Variants in AKNA observed in about 807,000 individuals in gnomAD.
AKNA encodes AT-hook transcription factor, also known as microtubule organization protein AKNA.
Under a neutral mutation model 138.8 loss-of-function variants are expected in AKNA, and 67 were observed. The observed-to-expected ratio is 0.48, with a 90% CI of 0.40 to 0.59. AKNA has a LOEUF of 0.59. Ranked by LOEUF, AKNA falls within the 20% of genes least tolerant of loss-of-function variation. AKNA has a pLI of 0.00. For missense variants in AKNA, 1,813 were observed against 1,880.4 expected, an observed-to-expected ratio of 0.96 and a Z score of 0.66; for synonymous variants, 737 against 754.4, an observed-to-expected ratio of 0.98 and a Z score of 0.38.
At chr9:114,362,078 G>T (rs550206383) in intron 8 of AKNA, among the ~76,000 whole-genome samples, 167 bp from the exon 9 acceptor site, 1 of 152,190 alleles carries the variant, frequency 6.6e-6, no homozygotes, top group South Asian at 2.1e-4. Context: ...ATGAAAGAAG[G>T]TTCCATTGGG....
At chr9:114,364,470 G>A in intron 7 of AKNA, 90 bp downstream of exon 7, 2 of 1,371,954 alleles carry the variant, frequency 1.5e-6, no homozygotes, top group Non-Finnish European at 2.1e-6. Flanking sequence ...TCTCTTTTCT[G>A]TCTTGCAGCA....
intron 4 of AKNA, among the ~76,000 whole-genome samples, chr9:114,373,563 A>T (rs886774682): frequency 7.9e-5 from 12 of 152,092 alleles, no homozygotes; most frequent in Admixed American, 6.5e-5. Flanking sequence ...TCCAGAACCC[A>T]TCTAGAAGGA....
chr9:114,377,246 G>C lies in AKNA; in HGVS notation c.561C>G (p.Ser187=). The C allele has an allele frequency of 1.2e-6, 2 of 1,614,162 alleles. No individual in the cohort carries two copies. Among genetic ancestry groups the C allele is most frequent in the Non-Finnish European group, 1.7e-6 (2 of 1,180,016 alleles). ...TGAGTTCAACGGATGGGTTGACCTC[G>C]GAATGTTCAGAAAGTTTGTCCCCAC... The part of the protein sequence containing the change: ...QASGDKLSEH[S]EVNPSVELSP... The change falls in exon 3 of 22, where the codon TCC becomes TCG. Residue 187 remains serine, a synonymous_variant. Coordinates refer to ENST00000374088, the MANE Select transcript of AKNA (RefSeq NM_001317950.2).
chr9:114,397,593 GC>G (rs1301894008), upstream of AKNA, among the ~76,000 whole-genome samples: 2 of 152,176 alleles, frequency 1.3e-5, no homozygotes, highest in Non-Finnish European at 2.9e-5. Flanking sequence ...TTCAACAAAA[GC>G]CCGGGAAAGG....
In AKNA at chr9:114,376,698, A is replaced by C; in HGVS notation, c.1109T>G (p.Phe370Cys). ...DFSKVGPRVRFPKDESYRPPK... is the reference protein window; with the variant it reads ...DFSKVGPRVRCPKDESYRPPK... ...GGGACGGTAGCTCTCATCTTTGGGG[A>C]ATCTCACCCGGGGCCCTACCTTGGA... is the stretch of plus-strand genomic sequence containing the variant. The change falls in exon 3 of 22, where the codon TTC becomes TGC. Residue 370 changes from phenylalanine to cysteine, a missense_variant. Phe to Cys is a radical substitution (Grantham distance 205). Transcript: ENST00000374088. The C allele has an allele frequency of 6.2e-7, 1 of 1,612,598 alleles. No individual in the cohort carries two copies. The highest frequency in any genetic ancestry group is 8.5e-7 in the Non-Finnish European group (1 of 1,179,380).
chr9:114,360,403 T>C (rs542053660), intron 9 of AKNA, among the ~76,000 whole-genome samples: 7 of 152,008 alleles, frequency 4.6e-5, no homozygotes, highest in Non-Finnish European at 1.0e-4. Flanking sequence ...AGGAGCAGAG[T>C]TGAGATTTAA....
At chr9:114,344,505 A>G (rs1830554811) in intron 18 of AKNA, 1 of 152,434 alleles carries the variant, frequency 6.6e-6, no homozygotes, top group Non-Finnish European at 1.5e-5. Flanking sequence ...GCCACTGTGG[A>G]GCGGTCTCAT....
At chr9:114,355,754 GT>G (rs1185355628) in intron 14 of AKNA, among the ~76,000 whole-genome samples, 170 bp downstream of exon 14, 1 of 152,310 alleles carries the variant, frequency 6.6e-6, no homozygotes, top group East Asian at 1.9e-4. Context: ...AGCACTGATG[GT>G]TTCCAGAGTA....
chr9:114,377,003 G>C lies in AKNA; in HGVS notation c.804C>G (p.Pro268=). ...TPMEFQDSSA[P]PAQSPQHATD... ...TGGCATGCTGCGGACTCTGGGCTGGGGGAGCTGAGGAGTCCTGGAATTCCA... is the reference window on the plus strand; with the variant it reads ...TGGCATGCTGCGGACTCTGGGCTGGCGGAGCTGAGGAGTCCTGGAATTCCA... The change falls in exon 3 of 22, where the codon CCC becomes CCG. Residue 268 remains proline (P), a synonymous_variant. Transcript: ENST00000374088. 1 of 1,614,214 alleles carries C rather than the reference G, an allele frequency of 6.2e-7. No homozygotes were observed. Among genetic ancestry groups the C allele is most frequent in the Non-Finnish European group, 8.5e-7 (1 of 1,180,030 alleles).
At chr9:114,367,396 T>A in intron 6 of AKNA, 147 bp downstream of exon 6, 1 of 927,624 alleles carries the variant, frequency 1.1e-6, no homozygotes, top group Non-Finnish European at 1.6e-6. Flanking sequence ...GAGGGGCTCA[T>A]GTTTTGGGGA....
chr9:114,351,228 C>A lies in AKNA; in HGVS notation c.3059-207G>T, dbSNP rs142660455. Among the ~76,000 whole-genome samples the A allele has an allele frequency of 2.6e-3, 402 of 152,206 alleles. 3 individuals carry two copies. The highest frequency in any genetic ancestry group is 9.4e-3 in the African/African-American group (389 of 41,524). On this transcript the variant is annotated intron_variant, in intron 14 of 21. Coordinates refer to ENST00000374088, the MANE Select transcript of AKNA (RefSeq NM_001317950.2). ...TGGGAGTGTGGGGTGCTGAGCTGGG[C>A]CTGCCCCGCTGTTTCTAACCAGAAC... is the stretch of plus-strand genomic sequence containing the variant.
Position 114,377,420 on chromosome 9 carries a change from G to A in AKNA, c.387C>T (p.Leu129=), listed in dbSNP as rs767224437. 36 of 1,613,544 alleles carry A rather than the reference G, an allele frequency of 2.2e-5. 1 individual carries two copies. The South Asian group carries it at 2.3e-4, about 10-fold the overall frequency. ...CAGCCTCCTCAACCTCCAGACTTCCGAGGGTCCCATCTGGCTCCTCTTCAG... is the reference window on the plus strand; with the variant it reads ...CAGCCTCCTCAACCTCCAGACTTCCAAGGGTCCCATCTGGCTCCTCTTCAG... ...DMTEEEPDGT[L]GSLEVEEAGE... is the part of the protein sequence containing the mutation. The change falls in exon 3 of 22, where the codon CTC becomes CTT. Residue 129 remains leucine, a synonymous_variant. Transcript: ENST00000374088.
intron 1 of AKNA, among the ~76,000 whole-genome samples, chr9:114,393,838 A>G (rs1834443190): frequency 6.6e-6 from 1 of 152,090 alleles, no homozygotes; most frequent in Non-Finnish European, 1.5e-5. Context: ...AGGAAAAAGA[A>G]AGAGAGAGAA....
chr9:114,341,013 C>G (rs1386404857), intron 21 of AKNA, among the ~76,000 whole-genome samples: 2 of 152,194 alleles, frequency 1.3e-5, no homozygotes, highest in African/African-American at 4.8e-5. Context: ...ATGGATATTG[C>G]TTCACTAACG....
At chr9:114,343,824 TGTCA>T in intron 18 of AKNA, 21 bp from the exon 19 acceptor site, 3 of 1,594,242 alleles carry the variant, frequency 1.9e-6, no homozygotes, top group Non-Finnish European at 1.7e-6. Flanking sequence ...AAACCAGAAC[TGTCA>T]GTATCAGCCC....
chr9:114,367,446 G>A, intron 6 of AKNA, 97 bp downstream of exon 6: 4 of 1,430,684 alleles, frequency 2.8e-6, no homozygotes, highest in Middle Eastern at 2.5e-4. Flanking sequence ...GGAATGACAA[G>A]TGAGACTCCC....
chr9:114,394,437 G>A (rs191906503), upstream of AKNA: 1 of 152,246 alleles, frequency 6.6e-6, no homozygotes, highest in Admixed American at 6.5e-5. Context: ...GTATCGTTGG[G>A]TTCTTTGAGG....
At chr9:114,349,059 G>T in intron 15 of AKNA, 1 of 435,154 alleles carries the variant, frequency 2.3e-6, no homozygotes. Context: ...GGAGACGCTT[G>T]CTGGTGTTTC....
At chr9:114,381,017 TG>T in intron 2 of AKNA, 42 bp downstream of exon 2, 1 of 1,405,348 alleles carries the variant, frequency 7.1e-7, no homozygotes, top group African/African-American at 2.2e-5. Context: ...TGTGATGTTT[TG>T]GGGACAGGAC....
Sources: allele counts gnomAD v4.1 joint callset (sites outside exome capture counted in the v4.1 genomes callset), GRCh38; gene constraint gnomAD v4.1.1; transcripts MANE v1.5; gene names NCBI Gene and HGNC (gene_info 2026-07-23, HGNC 2026-07-21).